The following PRKCA variants were observed in gnomAD, a reference collection of about 807,000 sequenced individuals.
PRKCA encodes protein kinase C alpha.
Under a neutral mutation model 87.0 loss-of-function variants are expected in PRKCA, and 27 were observed. That is an observed-to-expected ratio of 0.31 (90% CI 0.23 to 0.43). The LOEUF (loss-of-function observed/expected upper bound fraction) is 0.43, where lower values mean the gene tolerates loss of function less well. Ranked by LOEUF, PRKCA falls within the 20% of genes least tolerant of loss-of-function variation. The probability of loss-of-function intolerance (pLI) is 1.00; values close to 1 mark genes in which losing one functional copy is unlikely to be tolerated. For missense variants in PRKCA, 518 were observed against 852.3 expected (o/e 0.61, Z 4.88); for synonymous variants, 329 against 311.1 (o/e 1.06, Z -0.61).
At chr17:66,744,611 T>C (rs937141250) in intron 13 of PRKCA, among the ~76,000 whole-genome samples, 1 of 152,174 alleles carries the variant, frequency 6.6e-6, no homozygotes, top group Non-Finnish European at 1.5e-5. Context: ...ATCATTAAGG[T>C]TTGTCCATTT....
chr17:66,640,286 G>A (rs1033816049), intron 3 of PRKCA, among the ~76,000 whole-genome samples: 23 of 152,118 alleles, frequency 1.5e-4, no homozygotes, highest in African/African-American at 4.3e-4. Context: ...CAGAATCTAC[G>A]CTCTTTAACC....
chr17:66,510,466 C>T (rs1013250588), intron 3 of PRKCA, among the ~76,000 whole-genome samples: 4 of 152,086 alleles, frequency 2.6e-5, no homozygotes, highest in Admixed American at 6.5e-5. Flanking sequence ...TTGTCACCTG[C>T]GTATTTTAGG....
At chr17:66,482,281 G>A (rs1176521549) in intron 2 of PRKCA, among the ~76,000 whole-genome samples, 1 of 151,976 alleles carries the variant, frequency 6.6e-6, no homozygotes, top group African/African-American at 2.4e-5. Flanking sequence ...ATGGAACTTA[G>A]GGCATGCAAT....
At chr17:66,409,516 C>T (rs1911646876) in intron 2 of PRKCA, among the ~76,000 whole-genome samples, 2 of 152,200 alleles carry the variant, frequency 1.3e-5, no homozygotes, top group African/African-American at 4.8e-5. Flanking sequence ...CTGTCACTCT[C>T]TCAGATGGAT....
intron 14 of PRKCA, among the ~76,000 whole-genome samples, chr17:66,781,887 A>AGTGTGTGT (rs749824745): frequency 1.6e-4 from 20 of 125,620 alleles, no homozygotes; most frequent in African/African-American, 5.4e-4. Context: ...ATATATATAT[A>AGTGTGTGT]GTGTGTGTGT....
chr17:66,658,770 G>T (rs911702225), intron 5 of PRKCA, among the ~76,000 whole-genome samples: 3 of 152,164 alleles, frequency 2.0e-5, no homozygotes, highest in Admixed American at 1.3e-4. Context: ...ATGGACTGAA[G>T]CATGTCACTT....
At chr17:66,759,356 A>C (rs921919513) in intron 13 of PRKCA, among the ~76,000 whole-genome samples, 1 of 145,220 alleles carries the variant, frequency 6.9e-6, no homozygotes, top group Middle Eastern at 3.4e-3. Flanking sequence ...ACTCCGTCTC[A>C]AAAAAAAAAA....
intron 3 of PRKCA, among the ~76,000 whole-genome samples, chr17:66,511,485 G>A (rs966963889): frequency 5.3e-5 from 8 of 152,214 alleles, no homozygotes; most frequent in Admixed American, 1.3e-4. Flanking sequence ...CATCGTAATC[G>A]TTGTTTTTTC....
chr17:66,496,674 C>T (rs1916491644), intron 3 of PRKCA, among the ~76,000 whole-genome samples: 3 of 140,828 alleles, frequency 2.1e-5, no homozygotes, highest in Admixed American at 7.1e-5. Flanking sequence ...GATGGAGTCT[C>T]ACTCTGTTGC....
chr17:66,780,114 A>C (rs1975169814), intron 14 of PRKCA, among the ~76,000 whole-genome samples: 1 of 152,160 alleles, frequency 6.6e-6, no homozygotes. Context: ...ACATTTTTTT[A>C]GGCTGCAGGA....
intron 3 of PRKCA, among the ~76,000 whole-genome samples, chr17:66,535,275 G>T (rs1479622855): frequency 6.6e-6 from 1 of 152,158 alleles, no homozygotes; most frequent in Non-Finnish European, 1.5e-5. Context: ...TTTGCCAGAT[G>T]GGAAAACTCA....
chr17:66,684,542 A>G (rs1972575397), intron 5 of PRKCA, among the ~76,000 whole-genome samples: 1 of 152,260 alleles, frequency 6.6e-6, no homozygotes, highest in Non-Finnish European at 1.5e-5. Flanking sequence ...TATTTGCTTC[A>G]ATGACATTTA....
At chr17:66,679,188 T>C (rs1972420502) in intron 5 of PRKCA, among the ~76,000 whole-genome samples, 1 of 150,480 alleles carries the variant, frequency 6.6e-6, no homozygotes, top group Non-Finnish European at 1.5e-5. Flanking sequence ...TTTTTTTTTT[T>C]TTTTTTCTTT....
intron 5 of PRKCA, among the ~76,000 whole-genome samples, chr17:66,682,798 G>A (rs376924110): frequency 4.6e-5 from 7 of 152,192 alleles, no homozygotes; most frequent in East Asian, 1.9e-4. Context: ...GAAATGAGCC[G>A]TGGGACCTGT....
At chr17:66,672,334 G>A (rs922146309) in intron 5 of PRKCA, among the ~76,000 whole-genome samples, 3 of 151,916 alleles carry the variant, frequency 2.0e-5, no homozygotes, top group Non-Finnish European at 4.4e-5. Context: ...AATACAAATG[G>A]GCAAATAACC....
At chr17:66,637,926 G>C (rs1321495671) in intron 3 of PRKCA, among the ~76,000 whole-genome samples, 1 of 152,028 alleles carries the variant, frequency 6.6e-6, no homozygotes, top group Non-Finnish European at 1.5e-5. Flanking sequence ...CCTAAAGCAG[G>C]GCTTGGCAAA....
intron 5 of PRKCA, among the ~76,000 whole-genome samples, chr17:66,671,363 C>T (rs1008824795): frequency 1.3e-5 from 2 of 152,058 alleles, no homozygotes; most frequent in African/African-American, 2.4e-5. Flanking sequence ...TTTTCAGCCC[C>T]TCCCCTTGCT....
At chr17:66,637,811 G>A (rs1283960048) in intron 3 of PRKCA, among the ~76,000 whole-genome samples, 1 of 152,158 alleles carries the variant, frequency 6.6e-6, no homozygotes, top group Non-Finnish European at 1.5e-5. Context: ...CCCACCCCCA[G>A]AGTTTCTGAC....
Position 66,804,062 on chromosome 17 carries a change from TCCCCAGC to T in PRKCA, c.*35_*41del. 1 of 1,589,224 alleles carries T rather than the reference TCCCCAGC, an allele frequency of 6.3e-7. No homozygotes were observed. The highest frequency in any genetic ancestry group is 8.6e-7 in the Non-Finnish European group (1 of 1,160,528). ...AAACTCACCAGCGAGAACAAACACC[TCCCCAGC>T]CCCCAGCCCTCCCCGCAGTGGGAAG... On this transcript the variant is annotated 3_prime_UTR_variant, in exon 17 of 17. Transcript: ENST00000413366.
Sources: allele counts gnomAD v4.1 joint callset (sites outside exome capture counted in the v4.1 genomes callset), GRCh38; gene constraint gnomAD v4.1.1; transcripts MANE v1.5; gene names NCBI Gene and HGNC (gene_info 2026-07-23, HGNC 2026-07-21).